The following PPARGC1A variants were observed in gnomAD, a reference collection of about 807,000 sequenced individuals.
The protein encoded by PPARGC1A is PPARG coactivator 1 alpha.
In PPARGC1A, 25 loss-of-function variants were observed where a neutral mutation model predicts 88.7. The ratio of observed to expected loss-of-function variants is 0.28; its 90% confidence interval spans 0.21 to 0.39. PPARGC1A has a LOEUF of 0.39. Ranked by LOEUF, PPARGC1A falls within the 10% of genes least tolerant of loss-of-function variation. The pLI, the probability that PPARGC1A is intolerant of heterozygous loss-of-function variation, is 1.00. For synonymous variants in PPARGC1A, 363 were observed against 355.6 expected (o/e 1.02, Z -0.24); for missense variants, 880 against 968.7 (o/e 0.91, Z 1.22).
the PPARGC1A span, among the ~76,000 whole-genome samples, chr4:23,923,066 G>GTT: frequency 6.8e-6 from 1 of 146,860 alleles, no homozygotes; most frequent in African/African-American, 2.5e-5. Context: ...ACCCCAGGTT[G>GTT]TTTTTTTCTA....
chr4:24,031,645 C>A, the PPARGC1A span, among the ~76,000 whole-genome samples: 1 of 152,100 alleles, frequency 6.6e-6, no homozygotes, highest in African/African-American at 2.4e-5. Context: ...ACACATTGTT[C>A]GATGTTTAAC....
chr4:24,110,730 T>G, the PPARGC1A span, among the ~76,000 whole-genome samples: 1 of 152,186 alleles, frequency 6.6e-6, no homozygotes, highest in Non-Finnish European at 1.5e-5. Context: ...ATTAAACATC[T>G]CCAATGTGCC....
the PPARGC1A span, among the ~76,000 whole-genome samples, chr4:24,194,810 A>G: frequency 1.3e-5 from 2 of 152,202 alleles, no homozygotes; most frequent in African/African-American, 2.4e-5. Flanking sequence ...AAGGGATGCT[A>G]TTTCCACTGA....
At chr4:24,111,038 C>T in the PPARGC1A span, among the ~76,000 whole-genome samples, 1 of 152,162 alleles carries the variant, frequency 6.6e-6, no homozygotes, top group Non-Finnish European at 1.5e-5. Context: ...AGCAGCTACA[C>T]AGAGAAGGCA....
the PPARGC1A span, among the ~76,000 whole-genome samples, chr4:24,377,599 G>A: frequency 2.5e-4 from 38 of 152,174 alleles, no homozygotes; most frequent in African/African-American, 8.7e-4. Flanking sequence ...GGATGGTTTC[G>A]TGGGCATTTG....
chr4:24,126,247 T>C, the PPARGC1A span, among the ~76,000 whole-genome samples: 2 of 147,608 alleles, frequency 1.4e-5, no homozygotes, highest in African/African-American at 5.0e-5. Context: ...TTTAAATCAC[T>C]GACTGGCCCT....
intron 2 of PPARGC1A, among the ~76,000 whole-genome samples, chr4:23,858,245 T>G (rs1730564842): frequency 6.6e-6 from 1 of 152,164 alleles, no homozygotes; most frequent in South Asian, 2.1e-4. Context: ...CATTTAATTT[T>G]AACAACAACC....
At chr4:24,465,995 T>C in the PPARGC1A span, among the ~76,000 whole-genome samples, 3 of 152,220 alleles carry the variant, frequency 2.0e-5, no homozygotes, top group Non-Finnish European at 2.9e-5. Flanking sequence ...ATTCTATTCA[T>C]GTATCTCACA....
At chr4:23,940,662 C>T in the PPARGC1A span, among the ~76,000 whole-genome samples, 2 of 152,118 alleles carry the variant, frequency 1.3e-5, no homozygotes, top group African/African-American at 4.8e-5. Flanking sequence ...ATGACATCAA[C>T]AAAGAAGAAA....
At chr4:23,911,009 A>G in the PPARGC1A span, among the ~76,000 whole-genome samples, 1 of 152,060 alleles carries the variant, frequency 6.6e-6, no homozygotes, top group African/African-American at 2.4e-5. Context: ...TACTGTTTAA[A>G]ACTGAGTGAA....
chr4:24,328,198 C>A, the PPARGC1A span, among the ~76,000 whole-genome samples: 11 of 151,968 alleles, frequency 7.2e-5, no homozygotes, highest in African/African-American at 2.7e-4. Flanking sequence ...TCTCTTCACA[C>A]GGACGCGCAT....
At chr4:24,312,392 AT>A in the PPARGC1A span, among the ~76,000 whole-genome samples, 104,790 of 149,692 alleles carry the variant, frequency 0.7, 36,788 homozygotes, top group African/African-American at 0.77. Flanking sequence ...ATTTTTTCCT[AT>A]TTTTTTTTTT....
the PPARGC1A span, among the ~76,000 whole-genome samples, chr4:24,235,430 G>A: frequency 4.5e-3 from 679 of 152,276 alleles, 6 homozygotes; most frequent in African/African-American, 0.016. Context: ...GCCACCACAT[G>A]AGAATTGTCT....
the PPARGC1A span, among the ~76,000 whole-genome samples, chr4:24,317,337 G>A: frequency 2.6e-5 from 4 of 151,874 alleles, no homozygotes; most frequent in African/African-American, 9.7e-5. Flanking sequence ...ATATAGCAGG[G>A]AAAGTGTGAC....
the PPARGC1A span, among the ~76,000 whole-genome samples, chr4:24,350,388 CT>C: frequency 2.6e-5 from 4 of 152,096 alleles, no homozygotes; most frequent in Admixed American, 2.6e-4. Flanking sequence ...CTGAAAAAAA[CT>C]TTTTTTTTGA....
chr4:24,401,166 C>T, the PPARGC1A span, among the ~76,000 whole-genome samples: 1 of 151,616 alleles, frequency 6.6e-6, no homozygotes. Flanking sequence ...CTACAGGCGC[C>T]CACCACTACG....
intron 7 of PPARGC1A, among the ~76,000 whole-genome samples, chr4:23,822,363 T>G (rs1029545883): frequency 1.3e-5 from 2 of 152,092 alleles, no homozygotes; most frequent in Non-Finnish European, 2.9e-5. Context: ...CCAAGTCAGG[T>G]TAGCCTATGG....
the PPARGC1A span, among the ~76,000 whole-genome samples, chr4:24,347,122 G>A: frequency 1.3e-5 from 2 of 152,168 alleles, no homozygotes; most frequent in Non-Finnish European, 2.9e-5. Flanking sequence ...ACTGTGGTCT[G>A]AGAGAGTGCT....
chr4:23,923,377 G>A, the PPARGC1A span, among the ~76,000 whole-genome samples: 3 of 151,958 alleles, frequency 2.0e-5, no homozygotes, highest in Non-Finnish European at 2.9e-5. Context: ...ACCTGTTCAC[G>A]TGCTCAATCA....
Sources: allele counts gnomAD v4.1 joint callset (sites outside exome capture counted in the v4.1 genomes callset), GRCh38; gene constraint gnomAD v4.1.1; transcripts MANE v1.5; gene names NCBI Gene and HGNC (gene_info 2026-07-23, HGNC 2026-07-21).